The following RPS6KA5 variants were observed in gnomAD, a reference collection of about 807,000 sequenced individuals.
RPS6KA5 encodes ribosomal protein S6 kinase A5.
Under a neutral mutation model 85.5 loss-of-function variants are expected in RPS6KA5, and 27 were observed. That is an observed-to-expected ratio of 0.32 (90% CI 0.23 to 0.44). The LOEUF is 0.44. Among genes scored for constraint, RPS6KA5 ranks in the 20% least tolerant of loss-of-function variants. RPS6KA5 has a pLI of 1.00. For synonymous variants in RPS6KA5, 334 were observed against 348.2 expected, an observed-to-expected ratio of 0.96 and a Z score of 0.46; for missense variants, 811 against 980.9, an observed-to-expected ratio of 0.83 and a Z score of 2.31.
chr14:90,853,685 A>AG lies in RPS6KA5; in HGVS notation c.*18388_*18389insC, dbSNP rs2032131517. 1 of 150,324 alleles carries AG rather than the reference A, an allele frequency of 6.7e-6. No individual in the cohort carries two copies. Among genetic ancestry groups the AG allele is most frequent in the Admixed American group, 6.6e-5 (1 of 15,108 alleles). 9.3% of individuals were successfully genotyped at this position (150,324 alleles called of 1,614,324 possible). On this transcript the variant is annotated 3_prime_UTR_variant, in exon 17 of 17. Coordinates refer to ENST00000614987, the MANE Select transcript of RPS6KA5 (RefSeq NM_004755.4). The stretch of plus-strand genomic sequence containing the variant: ...CTAAAAATACAAAAAAAAAAAAAAA[A>AG]ACCCTAAAATTTAACACTATGAAGT...
intron 14 of RPS6KA5, among the ~76,000 whole-genome samples, chr14:90,887,045 T>C (rs1435518553): frequency 2.0e-5 from 3 of 152,240 alleles, no homozygotes; most frequent in Non-Finnish European, 4.4e-5. Flanking sequence ...TGTTATGGGA[T>C]AATTCAGCCT....
chr14:90,930,766 A>G (rs909697698), intron 5 of RPS6KA5, among the ~76,000 whole-genome samples: 5 of 152,228 alleles, frequency 3.3e-5, no homozygotes, highest in African/African-American at 1.2e-4. Flanking sequence ...CAAATGGTTA[A>G]CAGCATATGA....
chr14:91,008,504 C>CT (rs1443166552), intron 1 of RPS6KA5, among the ~76,000 whole-genome samples: 7 of 152,182 alleles, frequency 4.6e-5, no homozygotes, highest in Non-Finnish European at 8.8e-5. Context: ...AGAGTGCCTA[C>CT]TAAAGGCCAA....
chr14:91,022,808 C>T (rs565787584), intron 1 of RPS6KA5, among the ~76,000 whole-genome samples: 7 of 152,084 alleles, frequency 4.6e-5, no homozygotes, highest in African/African-American at 1.4e-4. Flanking sequence ...TACTACTGTC[C>T]GGGCGTGGTT....
At chr14:90,938,740 G>C (rs1156997502) in intron 5 of RPS6KA5, among the ~76,000 whole-genome samples, 1 of 152,216 alleles carries the variant, frequency 6.6e-6, no homozygotes, top group African/African-American at 2.4e-5. Flanking sequence ...GGCTGTAGCA[G>C]CTGGGAAGCA....
At chr14:91,022,454 C>T (rs576660986) in intron 1 of RPS6KA5, among the ~76,000 whole-genome samples, 7 of 152,276 alleles carry the variant, frequency 4.6e-5, no homozygotes, top group African/African-American at 1.7e-4. Context: ...CTGCTCACTT[C>T]TCTGTGTCTT....
chr14:90,983,112 CAA>C (rs71117392), intron 2 of RPS6KA5, among the ~76,000 whole-genome samples: 112 of 137,252 alleles, frequency 8.2e-4, no homozygotes, highest in African/African-American at 7.8e-4. Context: ...GATTCCATCT[CAA>C]AAAAAAAAAA....
chr14:90,932,935 G>GA (rs988492126), intron 5 of RPS6KA5, among the ~76,000 whole-genome samples: 38 of 152,162 alleles, frequency 2.5e-4, no homozygotes, highest in African/African-American at 8.4e-4. Flanking sequence ...CATCTTAGGG[G>GA]AAAAAACCCT....
chr14:91,013,571 T>C (rs1468838084), intron 1 of RPS6KA5, among the ~76,000 whole-genome samples: 1 of 151,914 alleles, frequency 6.6e-6, no homozygotes, highest in Non-Finnish European at 1.5e-5. Context: ...GGCAGATGCA[T>C]GGGAAGGAAA....
chr14:90,907,557 C>T (rs1282994640), intron 7 of RPS6KA5, among the ~76,000 whole-genome samples: 1 of 152,208 alleles, frequency 6.6e-6, no homozygotes, highest in Non-Finnish European at 1.5e-5. Flanking sequence ...CCTAGACGCT[C>T]TATCAAATAG....
chr14:90,947,653 T>C (rs959324264), intron 3 of RPS6KA5, 103 bp from the exon 4 acceptor site: 1 of 660,844 alleles, frequency 1.5e-6, no homozygotes, highest in Non-Finnish European at 2.6e-6. Flanking sequence ...CTGATTTTAA[T>C]ATATTGCTAT....
intron 2 of RPS6KA5, among the ~76,000 whole-genome samples, chr14:90,981,415 AT>A (rs1370439372): frequency 6.6e-6 from 1 of 151,956 alleles, no homozygotes; most frequent in Non-Finnish European, 1.5e-5. Context: ...GGTTGTAAAT[AT>A]TTTTTTCTTT....
At chr14:90,906,043 GGA>G in intron 8 of RPS6KA5, 104 bp downstream of exon 8, 2 of 1,126,268 alleles carry the variant, frequency 1.8e-6, no homozygotes, top group Non-Finnish European at 2.5e-6. Flanking sequence ...AAATGCCAGT[GGA>G]AAATGATCCC....
chr14:90,873,785 T>C lies in RPS6KA5; in HGVS notation c.2007A>G (p.Thr669=). Residue 669 remains threonine (T), a synonymous_variant, in exon 16 of 17, where the codon ACA becomes ACG. Transcript: ENST00000614987. ...EAKDLIQGLL[T]VDPNKRLKMS... is the part of the protein sequence containing the mutation. ...TTTTAAGCCTTTTGTTTGGATCTAC[T>C]GTGAGAAGTCCTTTGGGAATAGATA... The C allele has an allele frequency of 1.2e-6, 2 of 1,613,432 alleles. No individual in the cohort carries two copies. The highest frequency in any genetic ancestry group is 1.7e-6 in the Non-Finnish European group (2 of 1,179,724).
chr14:90,983,792 TC>T (rs1393091403), intron 2 of RPS6KA5, among the ~76,000 whole-genome samples: 6 of 95,748 alleles, frequency 6.3e-5, no homozygotes, highest in African/African-American at 1.7e-4. Context: ...TTTCTTTCTC[TC>T]TCTCTCTCTC....
At chr14:91,000,126 A>G (rs1343833639) in intron 2 of RPS6KA5, among the ~76,000 whole-genome samples, 3 of 152,240 alleles carry the variant, frequency 2.0e-5, no homozygotes, top group Non-Finnish European at 4.4e-5. Flanking sequence ...TTTTCTGCAT[A>G]CAAATATACA....
At chr14:90,895,415 A>T (rs2034783983) in intron 12 of RPS6KA5, among the ~76,000 whole-genome samples, 1 of 152,198 alleles carries the variant, frequency 6.6e-6, no homozygotes, top group African/African-American at 2.4e-5. Flanking sequence ...GTTAGGACTC[A>T]ACAGATTAGT....
chr14:90,867,320 A>G lies in RPS6KA5; in HGVS notation c.*4754T>C, dbSNP rs1023506977. 1 of 152,192 alleles carries G rather than the reference A, an allele frequency of 6.6e-6. No homozygotes were observed. The highest frequency in any genetic ancestry group is 2.4e-5 in the African/African-American group (1 of 41,452). 9.4% of individuals were successfully genotyped at this position (152,192 alleles called of 1,614,324 possible). ...GAAAAAACTGCTTAATGTGGCAAGG[A>G]ACAAGAATGAAACTAGATTTTTTTT... On this transcript the variant is annotated 3_prime_UTR_variant, in exon 17 of 17. Coordinates refer to ENST00000614987, the MANE Select transcript of RPS6KA5 (RefSeq NM_004755.4).
intron 5 of RPS6KA5, among the ~76,000 whole-genome samples, chr14:90,926,051 G>C (rs1330682925): frequency 6.6e-6 from 1 of 151,894 alleles, no homozygotes; most frequent in Non-Finnish European, 1.5e-5. Context: ...ATTAGACACA[G>C]CTGAAGAAAG....
Sources: allele counts gnomAD v4.1 joint callset (sites outside exome capture counted in the v4.1 genomes callset), GRCh38; gene constraint gnomAD v4.1.1; transcripts MANE v1.5; gene names NCBI Gene and HGNC (gene_info 2026-07-23, HGNC 2026-07-21).